Variants in PPEF1 observed in about 807,000 individuals in gnomAD.
PPEF1 encodes the protein protein phosphatase with EF-hand domain 1.
A neutral mutation model predicts 53.3 loss-of-function variants in PPEF1; 12 were observed. The ratio of observed to expected loss-of-function variants is 0.23; its 90% CI spans 0.14 to 0.36. The LOEUF is 0.36. PPEF1 is among the 10% of genes least tolerant of loss of function. The probability of loss-of-function intolerance (pLI) is 1.00; values close to 1 mark genes in which losing one functional copy is unlikely to be tolerated. For missense variants in PPEF1, 334 were observed against 490.4 expected (o/e 0.68, Z 3.01); for synonymous variants, 165 against 176.7 (o/e 0.93, Z 0.52).
At chrX:18,734,837 G>T (rs12273806) in intron 3 of PPEF1, among the ~76,000 whole-genome samples, 42 of 111,821 alleles carry the variant, frequency 3.8e-4, no homozygotes, top group Non-Finnish European at 7.0e-4. Flanking sequence ...GTGTGAGATG[G>T]TATCTCATTG....
At chrX:18,768,938 A>G (rs1453141832) in intron 6 of PPEF1, among the ~76,000 whole-genome samples, 5 of 112,464 alleles carry the variant, frequency 4.4e-5, no homozygotes, top group Non-Finnish European at 1.9e-5. Flanking sequence ...GAATTTTAGT[A>G]ATTTAGTAAG....
At chrX:18,806,225 TAGTAGCCTTGTTTTCCTCC>T (rs2046659702) in intron 11 of PPEF1, among the ~76,000 whole-genome samples, 159 bp from the exon 12 acceptor site, 2 of 111,346 alleles carry the variant, frequency 1.8e-5, no homozygotes, top group African/African-American at 6.5e-5. Context: ...GGACACTGGG[TAGTAGCCTTGTTTTCCTCC>T]GATGCAGTCA....
upstream of PPEF1, chrX:18,675,853 T>G (rs1928650405): frequency 9.2e-6 from 1 of 108,220 alleles, no homozygotes; most frequent in Admixed American, 1.0e-4. Context: ...TTTTTCATCG[T>G]CAGTGTCATT....
At chrX:18,681,014 C>T (rs907744110), upstream of PPEF1, among the ~76,000 whole-genome samples, 1 of 111,253 alleles carries the variant, frequency 9.0e-6, no homozygotes, top group African/African-American at 3.3e-5. Flanking sequence ...TCCAGTCTAT[C>T]GTTGTTGGAC....
intron 7 of PPEF1, 80 bp from the exon 8 acceptor site, chrX:18,782,286 C>T: frequency 1.2e-6 from 1 of 822,360 alleles, no homozygotes; most frequent in Non-Finnish European, 1.8e-6. Flanking sequence ...TACTGAGATG[C>T]CAAGGGCTTC....
At chrX:18,759,103 A>G (rs2147498602) in intron 5 of PPEF1, among the ~76,000 whole-genome samples, 1 of 111,468 alleles carries the variant, frequency 9.0e-6, no homozygotes, top group East Asian at 2.8e-4. Flanking sequence ...CCATCGTGAG[A>G]CAAAGATTAG....
Position 18,784,053 on chromosome X carries a change from G to A in PPEF1, c.912+5G>A, listed in dbSNP as rs770162265. ...CACCGTGTAGAGAGGAACAAGGTAA[G>A]AAGTAATGTTGGCATGAATCTTCTC... On this transcript the variant is annotated splice_donor_5th_base_variant and intron_variant, in intron 9 of 15. Coordinates refer to ENST00000470157, the MANE Select transcript of PPEF1 (RefSeq NM_001377996.1). 1 of 1,181,193 alleles carries A rather than the reference G, an allele frequency of 8.5e-7. No homozygotes were observed. Among genetic ancestry groups the A allele is most frequent in the Non-Finnish European group, 1.1e-6 (1 of 881,352 alleles).
chrX:18,702,232 A>C (rs949729791), intron 6 of PPEF1, among the ~76,000 whole-genome samples: 2 of 110,942 alleles, frequency 1.8e-5, no homozygotes, highest in South Asian at 7.7e-4. Flanking sequence ...CTGATGAGGC[A>C]TCTGTTCCTC....
At chrX:18,728,171 G>GTC (rs765536452) in intron 1 of PPEF1, among the ~76,000 whole-genome samples, 5 of 106,730 alleles carry the variant, frequency 4.7e-5, no homozygotes, top group Admixed American at 1.0e-4. Context: ...CTCTCTCTCT[G>GTC]TCTCTCTCTC....
chrX:18,802,643 A>T (rs1262682919), intron 10 of PPEF1, among the ~76,000 whole-genome samples: 1 of 112,096 alleles, frequency 8.9e-6, no homozygotes, highest in East Asian at 2.8e-4. Flanking sequence ...TCCTCAGGCT[A>T]TGTGCTCAAC....
At chrX:18,820,425 G>A (rs1196259324) in intron 13 of PPEF1, among the ~76,000 whole-genome samples, 69 of 105,055 alleles carry the variant, frequency 6.6e-4, no homozygotes, top group Non-Finnish European at 1.2e-3. Flanking sequence ...TTGCTCTGTC[G>A]CCCAGGCTGG....
chrX:18,804,305 G>T (rs913029489), intron 11 of PPEF1, among the ~76,000 whole-genome samples: 1 of 77,201 alleles, frequency 1.3e-5, no homozygotes, highest in East Asian at 3.4e-4. Flanking sequence ...CCCAGAAACA[G>T]AAATTCTTTT....
At chrX:18,697,621 A>G (rs1320684883) in intron 4 of PPEF1, among the ~76,000 whole-genome samples, 1 of 111,004 alleles carries the variant, frequency 9.0e-6, no homozygotes, top group African/African-American at 3.3e-5. Flanking sequence ...ATATTTTATC[A>G]TACCATATTG....
intron 1 of PPEF1, among the ~76,000 whole-genome samples, chrX:18,683,447 A>G (rs1316398774): frequency 8.9e-6 from 1 of 111,812 alleles, no homozygotes; most frequent in Non-Finnish European, 1.9e-5. Context: ...GCTGTGTATT[A>G]GGGACTATTC....
intron 3 of PPEF1, among the ~76,000 whole-genome samples, chrX:18,743,700 C>T (rs747178889): frequency 5.1e-4 from 56 of 109,515 alleles, no homozygotes; most frequent in African/African-American, 1.6e-3. Context: ...CCGCCCACCT[C>T]GGCCTCCCAA....
intron 3 of PPEF1, among the ~76,000 whole-genome samples, chrX:18,744,027 A>G (rs1415884636): frequency 4.6e-5 from 5 of 109,634 alleles, no homozygotes; most frequent in Non-Finnish European, 9.5e-5. Context: ...AGTAGCTGGG[A>G]TTACAGGCAT....
chrX:18,772,717 TA>T (rs1486327872), intron 6 of PPEF1, among the ~76,000 whole-genome samples: 1 of 112,446 alleles, frequency 8.9e-6, no homozygotes, highest in Non-Finnish European at 1.9e-5. Context: ...GGGTCAAGCT[TA>T]GCTGGATGGA....
chrX:18,694,956 G>A (rs755542612), intron 4 of PPEF1, among the ~76,000 whole-genome samples: 1 of 111,646 alleles, frequency 9.0e-6, no homozygotes, highest in South Asian at 3.8e-4. Context: ...TATTGCTGTG[G>A]GACAGATTAC....
chrX:18,697,078 T>G (rs1021832515), intron 4 of PPEF1, among the ~76,000 whole-genome samples: 22 of 112,131 alleles, frequency 2.0e-4, no homozygotes, highest in Non-Finnish European at 4.1e-4. Flanking sequence ...CAAATCCCTC[T>G]CTCCCTTGAG....
Sources: gnomAD v4.1 joint callset for allele counts (sites outside exome capture counted in the v4.1 genomes callset) on GRCh38, gnomAD v4.1.1 for gene constraint, MANE v1.5 for transcripts, NCBI Gene and HGNC (gene_info 2026-07-23, HGNC 2026-07-21) for gene names.